NPIPB6: variants seen among roughly 807,000 people sequenced by gnomAD.
The protein encoded by NPIPB6 is nuclear pore complex-interacting protein family member B6.
NPIPB6 carries 2 observed loss-of-function variants against 20.0 expected under a neutral mutation model. The observed-to-expected ratio is 0.10, with a 90% CI of 0.04 to 0.31. The LOEUF (loss-of-function observed/expected upper bound fraction) is 0.31, where lower values mean the gene tolerates loss of function less well. Ranked by LOEUF, NPIPB6 falls within the 10% of genes least tolerant of loss-of-function variation. NPIPB6 has a pLI of 1.00. For synonymous variants in NPIPB6, 35 were observed against 116.3 expected (o/e 0.30, Z 4.50); for missense variants, 96 against 293.7 (o/e 0.33, Z 4.92).
At chr16:28,356,236 C>T (rs1281646172) in intron 1 of NPIPB6, among the ~76,000 whole-genome samples, 1 of 101,552 alleles carries the variant, frequency 9.8e-6, no homozygotes, top group African/African-American at 3.3e-5. Context: ...TGCAGCGGGG[C>T]CATCTCAGCT....
intron 2 of NPIPB6, among the ~76,000 whole-genome samples, chr16:28,350,145 C>A (rs2045196332): frequency 1.0e-5 from 1 of 98,954 alleles, no homozygotes; most frequent in Non-Finnish European, 2.2e-5. Context: ...TGCAGTGAGC[C>A]AAGATCCCAC....
chr16:28,362,737 T>C (rs1275950549), exon 1 of NPIPB6: 1 of 1,587,482 alleles, frequency 6.3e-7, no homozygotes, highest in East Asian at 2.3e-5. Flanking sequence ...TGTCACTGAC[T>C]TTACATGCTG....
rs1358934386 is a variant in NPIPB6 at position 28,349,922 on chromosome 16, G to A, written c.304-681C>T. 5.2e-3 allele frequency among the ~76,000 whole-genome samples: 545 copies of A among 104,654 alleles called. 65 individuals carry two copies. The highest frequency in any genetic ancestry group is 8.5e-3 in the Non-Finnish European group (399 of 46,996). 68.7% of individuals were successfully genotyped at this position (104,654 alleles called of 152,430 possible). On this transcript the variant is annotated intron_variant, in intron 2 of 6. Coordinates refer to ENST00000532254, the Ensembl canonical transcript of NPIPB6. ...AAAAAAAAAAAAAAAAAAGAGCCCA[G>A]GTGCGGTAGCTCACGCCTGTAATCC...
chr16:28,363,051 C>A, exon 1 of NPIPB6: 1 of 380,642 alleles, frequency 2.6e-6, no homozygotes, highest in South Asian at 2.3e-5. Context: ...GAAACAGGAA[C>A]AATAGTTTCA....
chr16:28,346,164 A>T, intron 4 of NPIPB6: 1 of 797,026 alleles, frequency 1.3e-6, no homozygotes, highest in Non-Finnish European at 1.5e-6. Flanking sequence ...AAAAGCTTCT[A>T]TGAGGTGCAC....
At chr16:28,342,734 T>G (rs1484111138) in exon 7 of NPIPB6, 2 of 1,559,472 alleles carry the variant, frequency 1.3e-6, no homozygotes, top group Non-Finnish European at 1.7e-6. Context: ...CTTGGGCGAT[T>G]GTTCCACCTC....
chr16:28,362,102 A>ATTT (rs765651989), intron 1 of NPIPB6, among the ~76,000 whole-genome samples: 23 of 131,562 alleles, frequency 1.7e-4, no homozygotes, highest in Admixed American at 4.5e-4. Flanking sequence ...TTGCAGGATA[A>ATTT]TTTTTTTTTT....
At chr16:28,356,421 G>A (rs2045321425) in intron 1 of NPIPB6, 1 of 155,772 alleles carries the variant, frequency 6.4e-6, no homozygotes, top group Non-Finnish European at 1.3e-5. Flanking sequence ...CAAGTGATCT[G>A]CCCACCTCGG....
At chr16:28,361,716 GTC>G (rs1166408037) in intron 1 of NPIPB6, among the ~76,000 whole-genome samples, 116 of 143,562 alleles carry the variant, frequency 8.1e-4, no homozygotes, top group African/African-American at 2.4e-3. Context: ...GTGAAACTCT[GTC>G]TCTCTCTCTA....
chr16:28,343,208 A>T lies in NPIPB6; in HGVS notation c.697-20T>A, dbSNP rs755076908. 6.3e-7 allele frequency: 1 copy of T among 1,581,416 alleles called. No individual in the cohort carries two copies. The highest frequency in any genetic ancestry group is 1.4e-5 in the African/African-American group (1 of 74,072). The stretch of plus-strand genomic sequence containing the variant: ...TCTGACCTGTAGGGCCAAAGGAGGG[A>T]ATGTTTTCACACATATTCATTTGAT... On this transcript the variant is annotated intron_variant, in intron 6 of 6. Coordinates refer to ENST00000532254, the Ensembl canonical transcript of NPIPB6.
chr16:28,351,977 C>A (rs1397745448), intron 2 of NPIPB6, among the ~76,000 whole-genome samples: 2 of 3,930 alleles, frequency 5.1e-4, no homozygotes, highest in Admixed American at 2.2e-3. Flanking sequence ...GCTCAACTTA[C>A]CCAAAGGAAA....
At chr16:28,343,112 T>C (rs1596564247) in exon 7 of NPIPB6, 7 of 1,455,668 alleles carry the variant, frequency 4.8e-6, no homozygotes, top group Non-Finnish European at 6.6e-6. Flanking sequence ...CATCCTGTTT[T>C]TTAAAGTTTC....
At chr16:28,359,086 C>G (rs1179027105) in intron 1 of NPIPB6, among the ~76,000 whole-genome samples, 3 of 73,800 alleles carry the variant, frequency 4.1e-5, no homozygotes, top group Non-Finnish European at 5.0e-5. Flanking sequence ...GACTCTGTCT[C>G]AAAAAGAAAA....
chr16:28,360,698 G>C (rs1189791836), intron 1 of NPIPB6, among the ~76,000 whole-genome samples: 25 of 137,184 alleles, frequency 1.8e-4, no homozygotes, highest in African/African-American at 6.2e-4. Context: ...GATTTGCTTT[G>C]ACCCAAGAGA....
chr16:28,361,412 C>G (rs1427845953), intron 1 of NPIPB6, among the ~76,000 whole-genome samples: 2 of 149,710 alleles, frequency 1.3e-5, no homozygotes, highest in Non-Finnish European at 3.0e-5. Flanking sequence ...TTTTTCTCTT[C>G]ATAGTATATT....
intron 4 of NPIPB6, among the ~76,000 whole-genome samples, chr16:28,348,095 G>A (rs1451082817): frequency 9.1e-6 from 1 of 109,390 alleles, no homozygotes; most frequent in Non-Finnish European, 2.0e-5. Flanking sequence ...GGGTGACAGA[G>A]TGAGACTCTG....
rs1555461515 is a variant in NPIPB6 at position 28,349,546 on chromosome 16, G to GAC, written c.304-306_304-305insGT. 2.6e-3 allele frequency among the ~76,000 whole-genome samples: 217 copies of GAC among 82,092 alleles called. 13 individuals carry two copies. The East Asian group carries it at 0.04, about 15-fold the overall frequency. The allele number at this position is 82,092 out of a possible 152,430, so 53.9% of individuals were successfully genotyped here. On this transcript the variant is annotated intron_variant, in intron 2 of 6. Transcript: ENST00000532254. ...AGCCTGAGCGACAGAATGAGACTCT[G>GAC]TCACACACACACACACACACACACA... is the stretch of plus-strand genomic sequence containing the variant.
intron 1 of NPIPB6, chr16:28,356,749 G>A (rs1213345466): frequency 1.6e-4 from 4 of 24,818 alleles, no homozygotes; most frequent in Non-Finnish European, 2.9e-4. Context: ...GGGAGGGGAA[G>A]GGGAGGGGGA....
At chr16:28,361,410 T>C (rs2141635862) in intron 1 of NPIPB6, among the ~76,000 whole-genome samples, 1 of 149,726 alleles carries the variant, frequency 6.7e-6, no homozygotes, top group African/African-American at 2.5e-5. Flanking sequence ...TGTTTTTCTC[T>C]TCATAGTATA....
Sources: gnomAD v4.1 joint callset for allele counts (sites outside exome capture counted in the v4.1 genomes callset) on GRCh38, gnomAD v4.1.1 for gene constraint, MANE v1.5 for transcripts, NCBI Gene and HGNC (gene_info 2026-07-23, HGNC 2026-07-21) for gene names.